The following GASK1B variants were observed in gnomAD, a reference collection of about 807,000 sequenced individuals.
GASK1B encodes golgi associated kinase 1B, also known as Golgi-associated kinase 1B.
A neutral mutation model predicts 42.8 loss-of-function variants in GASK1B; 34 were observed. The ratio of observed to expected loss-of-function variants is 0.79; its 90% CI spans 0.60 to 1.06. The LOEUF (loss-of-function observed/expected upper bound fraction) is 1.06. Among genes scored for constraint, GASK1B ranks in the 50% least tolerant of loss-of-function variants. GASK1B has a pLI of 0.00. For synonymous variants in GASK1B, 262 were observed against 259.1 expected, an observed-to-expected ratio of 1.01 and a Z score of -0.11; for missense variants, 686 against 661.0, an observed-to-expected ratio of 1.04 and a Z score of -0.42.
chr4:158,145,193 C>T (rs189807905), intron 3 of GASK1B, among the ~76,000 whole-genome samples: 3 of 152,110 alleles, frequency 2.0e-5, no homozygotes, highest in African/African-American at 7.2e-5. Context: ...TTTATTCTTA[C>T]TTTTATCACA....
intron 3 of GASK1B, among the ~76,000 whole-genome samples, chr4:158,141,683 T>G (rs576062503): frequency 7.3e-6 from 1 of 136,308 alleles, no homozygotes; most frequent in Admixed American, 8.1e-5. Flanking sequence ...CTCGGCTCAC[T>G]GCAAGCTCCG....
intron 3 of GASK1B, among the ~76,000 whole-genome samples, chr4:158,148,428 T>C (rs1186202271): frequency 6.6e-6 from 1 of 152,224 alleles, no homozygotes; most frequent in Non-Finnish European, 1.5e-5. Flanking sequence ...GAAATTAGCC[T>C]CTTACATTTT....
chr4:158,170,326 G>A, intron 2 of GASK1B, 140 bp downstream of exon 2: 1 of 1,614,224 alleles, frequency 6.2e-7, no homozygotes, highest in Non-Finnish European at 8.5e-7. Flanking sequence ...CAAGCGCATG[G>A]AAAGACACGC....
intron 4 of GASK1B, 73 bp downstream of exon 4, chr4:158,130,713 G>A (rs1730641822): frequency 3.6e-6 from 4 of 1,113,746 alleles, no homozygotes; most frequent in Non-Finnish European, 4.0e-6. Context: ...GATGTAAGAT[G>A]TGAGTTTTCT....
At chr4:158,154,965 C>A (rs182540938) in intron 3 of GASK1B, among the ~76,000 whole-genome samples, 48 of 151,982 alleles carry the variant, frequency 3.2e-4, no homozygotes, top group African/African-American at 1.1e-3. Context: ...AATAATGTAC[C>A]CATGTAACAA....
chr4:158,170,152 C>A, intron 2 of GASK1B: 2 of 1,384,576 alleles, frequency 1.4e-6, no homozygotes, highest in Non-Finnish European at 2.0e-6. Flanking sequence ...CTCTCCTCAT[C>A]ATGCAAATTG....
chr4:158,172,263 A>T (rs943098844), intron 1 of GASK1B: 4 of 152,176 alleles, frequency 2.6e-5, no homozygotes, highest in Non-Finnish European at 4.4e-5. Flanking sequence ...CAGCTGAAAG[A>T]AAATAAAAGC....
chr4:158,144,159 C>T (rs1175335455), intron 3 of GASK1B, among the ~76,000 whole-genome samples: 1 of 152,096 alleles, frequency 6.6e-6, no homozygotes, highest in African/African-American at 2.4e-5. Context: ...CATAGGTGCC[C>T]AATAAATACC....
chr4:158,137,385 A>G (rs1287575034), intron 3 of GASK1B, among the ~76,000 whole-genome samples: 1 of 152,170 alleles, frequency 6.6e-6, no homozygotes, highest in African/African-American at 2.4e-5. Flanking sequence ...TATTTTAATT[A>G]TTTCAAAAAG....
intron 2 of GASK1B, among the ~76,000 whole-genome samples, chr4:158,161,101 C>T (rs2111005671): frequency 6.6e-6 from 1 of 151,716 alleles, no homozygotes; most frequent in Middle Eastern, 3.5e-3. Context: ...AATATATTTA[C>T]AATGTTTCAC....
chr4:158,141,372 C>G (rs898813116), intron 3 of GASK1B, among the ~76,000 whole-genome samples: 7 of 151,380 alleles, frequency 4.6e-5, no homozygotes, highest in Non-Finnish European at 1.0e-4. Flanking sequence ...AGAAAACATT[C>G]AGAAGTACCT....
intron 2 of GASK1B, among the ~76,000 whole-genome samples, chr4:158,157,551 C>A (rs565421919): frequency 2.0e-5 from 3 of 152,196 alleles, no homozygotes; most frequent in Non-Finnish European, 2.9e-5. Flanking sequence ...AGCCTCCAAA[C>A]GTGTGTACTT....
intron 3 of GASK1B, among the ~76,000 whole-genome samples, chr4:158,137,712 A>G (rs1730955770): frequency 6.6e-6 from 1 of 152,128 alleles, no homozygotes; most frequent in Non-Finnish European, 1.5e-5. Context: ...AAAAGCCCAC[A>G]GTATTCCCCC....
intron 4 of GASK1B, among the ~76,000 whole-genome samples, 165 bp downstream of exon 4, chr4:158,130,621 T>C (rs891669585): frequency 6.6e-6 from 1 of 152,176 alleles, no homozygotes; most frequent in African/African-American, 2.4e-5. Flanking sequence ...TCTGGTTCTG[T>C]TCTTCTTGGG....
chr4:158,145,885 G>A (rs761302585), intron 3 of GASK1B, among the ~76,000 whole-genome samples: 3 of 152,138 alleles, frequency 2.0e-5, no homozygotes, highest in Non-Finnish European at 2.9e-5. Flanking sequence ...ACATATCTTT[G>A]TTGGTCCTCC....
rs1560788394 is a variant in GASK1B at position 158,155,720 on chromosome 4, A to G, written c.1016T>C (p.Leu339Pro). The G allele has an allele frequency of 6.2e-7, 1 of 1,613,930 alleles. No individual in the cohort carries two copies. Among genetic ancestry groups the G allele is most frequent in the Non-Finnish European group, 8.5e-7 (1 of 1,179,818 alleles). The change falls in exon 3 of 5, where the codon CTG becomes CCG. Residue 339 changes from leucine to proline, a missense_variant. Physicochemically the swap from Leu to Pro is moderately conservative, Grantham distance 98. Transcript: ENST00000585682. ...GCCATTCTGCCAGCATTTCTGTTTCAGCAACTGCTGATAAGTTCCCCAGGT... is the reference window on the plus strand; with the variant it reads ...GCCATTCTGCCAGCATTTCTGTTTCGGCAACTGCTGATAAGTTCCCCAGGT... ...KLTWGTYQQL[L>P]KQKCWQNGRV...
chr4:158,139,143 G>A (rs762470800), intron 3 of GASK1B, among the ~76,000 whole-genome samples: 2 of 152,280 alleles, frequency 1.3e-5, no homozygotes, highest in Admixed American at 1.3e-4. Flanking sequence ...CGAGTGACTC[G>A]TGTGGATTTC....
At chr4:158,154,505 C>G (rs551189092) in intron 3 of GASK1B, among the ~76,000 whole-genome samples, 1 of 152,172 alleles carries the variant, frequency 6.6e-6, no homozygotes, top group Non-Finnish European at 1.5e-5. Flanking sequence ...AATCCCACTA[C>G]TGTGTATCTA....
intron 4 of GASK1B, among the ~76,000 whole-genome samples, chr4:158,128,323 C>A (rs1209643562): frequency 6.6e-6 from 1 of 152,098 alleles, no homozygotes; most frequent in Non-Finnish European, 1.5e-5. Flanking sequence ...AAACCTAAGA[C>A]CAATTTAGAG....
Sources: allele counts gnomAD v4.1 joint callset (sites outside exome capture counted in the v4.1 genomes callset), GRCh38; gene constraint gnomAD v4.1.1; transcripts MANE v1.5; gene names NCBI Gene and HGNC (gene_info 2026-07-23, HGNC 2026-07-21).